Variants in AFAP1L2 observed in about 807,000 individuals in gnomAD.
The protein encoded by AFAP1L2 is actin filament-associated protein 1-like 2.
Under a neutral mutation model 99.3 loss-of-function variants are expected in AFAP1L2, and 46 were observed. The ratio of observed to expected loss-of-function variants is 0.46; its 90% CI spans 0.37 to 0.59. AFAP1L2 has a LOEUF of 0.59. Among genes scored for constraint, AFAP1L2 ranks in the 20% least tolerant of loss-of-function variants. The pLI is 0.00. For missense variants in AFAP1L2, 959 were observed against 1,034.9 expected (o/e 0.93, Z 1.01); for synonymous variants, 397 against 419.1 (o/e 0.95, Z 0.64).
intron 4 of AFAP1L2, 63 bp from the exon 5 acceptor site, chr10:114,323,324 T>C (rs1312040412): frequency 7.0e-7 from 1 of 1,435,390 alleles, no homozygotes; most frequent in Admixed American, 2.0e-5. Context: ...AACTTGGAAA[T>C]AACTCTTCGG....
At chr10:114,298,509 C>T (rs934581856) in intron 16 of AFAP1L2, among the ~76,000 whole-genome samples, 1 of 152,142 alleles carries the variant, frequency 6.6e-6, no homozygotes, top group African/African-American at 2.4e-5. Flanking sequence ...CACAAAGTTA[C>T]TCCATGAAAA....
chr10:114,328,971 C>T (rs1163426780), intron 4 of AFAP1L2, among the ~76,000 whole-genome samples: 1 of 152,198 alleles, frequency 6.6e-6, no homozygotes, highest in Non-Finnish European at 1.5e-5. Context: ...GTCTCTGGTC[C>T]TTCACAGCAG....
In AFAP1L2 at chr10:114,346,226, G is replaced by A. The variant is rs905172426; in HGVS notation, c.17-5495C>T. Among the ~76,000 whole-genome samples the A allele has an allele frequency of 5.3e-5, 8 of 152,236 alleles. No individual in the cohort carries two copies. In the East Asian group the frequency reaches 1.5e-3, roughly 29 times the overall value. On this transcript the variant is annotated intron_variant, in intron 1 of 18. Coordinates refer to ENST00000304129, the MANE Select transcript of AFAP1L2 (RefSeq NM_001001936.3). ...ATATCATTGTTCCAGGTCCAGCCAG[G>A]CCCCTTCTCCAGAAAGCCACTGTGA...
At chr10:114,323,679 G>A (rs751105509) in intron 4 of AFAP1L2, among the ~76,000 whole-genome samples, 4 of 152,234 alleles carry the variant, frequency 2.6e-5, no homozygotes, top group Non-Finnish European at 5.9e-5. Context: ...CAGGGAGAAA[G>A]AGGACCAGGT....
chr10:114,293,783 A>G (rs541184391), downstream of AFAP1L2, among the ~76,000 whole-genome samples: 3 of 152,314 alleles, frequency 2.0e-5, no homozygotes, highest in African/African-American at 4.8e-5. Flanking sequence ...TTCTAGAGAA[A>G]TATTTCCAAA....
At chr10:114,404,712 G>A, upstream of AFAP1L2, 2 of 371,944 alleles carry the variant, frequency 5.4e-6, no homozygotes, top group Non-Finnish European at 9.2e-6. Context: ...TCTTGAGTCG[G>A]TGCGCGCCCG....
At position 114,301,699 on chromosome 10, in the gene AFAP1L2, T is replaced by C. The variant is rs2041224843; in HGVS notation, c.1431-234A>G. ...TCCTCCCAGAAAGACAAGCTTCCCTTGCCCATACGCCTCGTCCTAGGATCC... is the reference window on the plus strand; with the variant it reads ...TCCTCCCAGAAAGACAAGCTTCCCTCGCCCATACGCCTCGTCCTAGGATCC... On this transcript the variant is annotated intron_variant, in intron 12 of 18. Coordinates refer to ENST00000304129, the MANE Select transcript of AFAP1L2 (RefSeq NM_001001936.3). The C allele has an allele frequency of 1.8e-5, 10 of 555,612 alleles. No homozygotes were observed. In the South Asian group the frequency reaches 2.2e-4, roughly 12 times the overall value. The allele number at this position is 555,612 out of a possible 1,614,324, so 34.4% of individuals were successfully genotyped here. A position where few individuals can be genotyped will look rare whatever the true frequency, so the allele number is the denominator to read the frequency against.
rs376947330 is a variant in AFAP1L2 at position 114,395,843 on chromosome 10, G to T, written c.16+8597C>A. Among the ~76,000 whole-genome samples the T allele has an allele frequency of 2.4e-4, 36 of 152,272 alleles. 1 individual carries two copies. The highest frequency in any genetic ancestry group is 1.2e-3 in the South Asian group (6 of 4,820). ...ACTCAAACCAGACGCGGGCCTTGGG[G>T]CTGCCCCAAACCCGACCCTTCTTAG... On this transcript the variant is annotated intron_variant, in intron 1 of 18. Transcript: ENST00000304129.
the AFAP1L2 span, among the ~76,000 whole-genome samples, chr10:114,281,986 A>G: frequency 6.6e-6 from 1 of 150,578 alleles, no homozygotes; most frequent in East Asian, 1.9e-4. Flanking sequence ...GGATGTCCCT[A>G]ATTTCAAATG....
chr10:114,361,952 A>G (rs2052492882), intron 1 of AFAP1L2, among the ~76,000 whole-genome samples: 1 of 152,182 alleles, frequency 6.6e-6, no homozygotes, highest in Non-Finnish European at 1.5e-5. Context: ...AATGGATGGT[A>G]GGATATTTTA....
In AFAP1L2 at chr10:114,329,190, C is replaced by T. The variant is rs182107045; in HGVS notation, c.315+2613G>A. 7.7e-4 allele frequency among the ~76,000 whole-genome samples: 117 copies of T among 152,246 alleles called. 1 individual carries two copies. The highest frequency in any genetic ancestry group is 2.5e-3 in the African/African-American group (105 of 41,542). ...CAGGGACACAAGCCCTAGTCACAGA[C>T]GACAATCCAGGAAGTCTACTTCAGA... On this transcript the variant is annotated intron_variant, in intron 4 of 18. Transcript: ENST00000304129.
At chr10:114,289,553 C>T in the AFAP1L2 span, 5 of 1,573,338 alleles carry the variant, frequency 3.2e-6, no homozygotes, top group Admixed American at 8.4e-5. Flanking sequence ...TGAGCCTTCA[C>T]ATACATCATG....
chr10:114,310,883 G>C (rs1230980582), intron 7 of AFAP1L2, among the ~76,000 whole-genome samples: 1 of 152,162 alleles, frequency 6.6e-6, no homozygotes, highest in South Asian at 2.1e-4. Context: ...GAGTCTCCAC[G>C]CTGCCTGAGG....
chr10:114,301,959 C>T (rs1042606412), intron 12 of AFAP1L2: 1 of 266,592 alleles, frequency 3.8e-6, no homozygotes. Context: ...GTTTGCTCAT[C>T]TGGAAACAGA....
At chr10:114,391,163 C>T (rs559613547) in intron 1 of AFAP1L2, among the ~76,000 whole-genome samples, 1 of 152,256 alleles carries the variant, frequency 6.6e-6, no homozygotes, top group African/African-American at 2.4e-5. Context: ...TGTAATCCAA[C>T]TCTAAGAAAA....
chr10:114,291,067 A>G (rs2039545891), downstream of AFAP1L2: 3 of 906,862 alleles, frequency 3.3e-6, no homozygotes, highest in African/African-American at 3.3e-5. Context: ...TCTGGAGGAT[A>G]ATCACATGGG....
chr10:114,332,839 C>CAT (rs762459428), intron 3 of AFAP1L2, among the ~76,000 whole-genome samples: 29 of 152,210 alleles, frequency 1.9e-4, no homozygotes, highest in Non-Finnish European at 3.5e-4. Context: ...CTGACACCAC[C>CAT]ATTTACTTCT....
intron 1 of AFAP1L2, among the ~76,000 whole-genome samples, chr10:114,360,110 G>A (rs541548902): frequency 5.3e-5 from 8 of 151,260 alleles, no homozygotes; most frequent in Non-Finnish European, 1.0e-4. Context: ...TGAATCAGTA[G>A]ACTGAGGAAA....
rs1027508233 is a variant in AFAP1L2 at position 114,371,578 on chromosome 10, G to A, written c.17-30847C>T. ...AACAGCACAAAGAAAACCAAACACC[G>A]CATGTTCTCACTCATAAGTGGGAGT... On this transcript the variant is annotated intron_variant, in intron 1 of 18. Transcript: ENST00000304129. Among the ~76,000 whole-genome samples, 20 of 151,752 alleles carry A rather than the reference G, an allele frequency of 1.3e-4. No homozygotes were observed. The East Asian group carries it at 2.5e-3, about 19-fold the overall frequency.
Sources: gnomAD v4.1 joint callset for allele counts (sites outside exome capture counted in the v4.1 genomes callset) on GRCh38, gnomAD v4.1.1 for gene constraint, MANE v1.5 for transcripts, NCBI Gene and HGNC (gene_info 2026-07-23, HGNC 2026-07-21) for gene names.